KIT: variants seen among roughly 807,000 people sequenced by gnomAD.
KIT encodes KIT proto-oncogene, receptor tyrosine kinase, also known as mast/stem cell growth factor receptor Kit.
In KIT, 16 loss-of-function variants were observed where a neutral mutation model predicts 105.7. That is an observed-to-expected ratio of 0.15 (90% CI 0.10 to 0.23). KIT has a LOEUF of 0.23. Among genes scored for constraint, KIT ranks in the 10% least tolerant of loss-of-function variants. The pLI is 1.00. For missense variants in KIT, 858 were observed against 1,213.8 expected, an observed-to-expected ratio of 0.71 and a Z score of 4.36; for synonymous variants, 438 against 441.1, an observed-to-expected ratio of 0.99 and a Z score of 0.09.
intron 1 of KIT, among the ~76,000 whole-genome samples, chr4:54,661,268 C>A (rs1717249374): frequency 6.6e-6 from 1 of 152,188 alleles, no homozygotes; most frequent in Non-Finnish European, 1.5e-5. Context: ...CATCCAAAGC[C>A]ATTTTTTCTC....
chr4:54,697,958 T>C (rs1485023898), intron 2 of KIT, among the ~76,000 whole-genome samples: 1 of 152,184 alleles, frequency 6.6e-6, no homozygotes, highest in Non-Finnish European at 1.5e-5. Context: ...TTCCAGGTCA[T>C]GTCACTTTAG....
At chr4:54,697,053 A>T (rs1481536397) in intron 2 of KIT, among the ~76,000 whole-genome samples, 1 of 152,224 alleles carries the variant, frequency 6.6e-6, no homozygotes, top group Non-Finnish European at 1.5e-5. Context: ...ATCCTTAATT[A>T]TAACAAATGT....
intron 1 of KIT, among the ~76,000 whole-genome samples, chr4:54,678,346 TTCCTTCCC>T (rs370740484): frequency 0.068 from 5,340 of 78,808 alleles, 283 homozygotes; most frequent in African/African-American, 0.093. Flanking sequence ...CCTTCCTTCC[TTCCTTCCC>T]TCCCTCCCTC....
At chr4:54,711,854 G>T (rs1354668415) in intron 7 of KIT, among the ~76,000 whole-genome samples, 1 of 151,552 alleles carries the variant, frequency 6.6e-6, no homozygotes, top group East Asian at 1.9e-4. Flanking sequence ...ACCTCAACCT[G>T]GGAGACAGAG....
intron 6 of KIT, 26 bp downstream of exon 6, chr4:54,707,313 G>T: frequency 1.3e-6 from 2 of 1,488,658 alleles, no homozygotes; most frequent in Non-Finnish European, 1.9e-6. Flanking sequence ...TGCCCTGGGG[G>T]ATTACACATT....
chr4:54,739,225 G>C lies in KIT; in HGVS notation c.*668G>C, dbSNP rs1723110183. The C allele has an allele frequency of 3.7e-6, 1 of 267,064 alleles. No homozygotes were observed. The highest frequency in any genetic ancestry group is 5.1e-5 in the Admixed American group (1 of 19,526). The allele number at this position is 267,064 out of a possible 1,614,324, so 16.5% of individuals were successfully genotyped here. Reference sequence around the variant, plus strand: ...GAGAAGGCCTCCCTAGCCAGCACTTGTATATACGCATCTATAAATTGTCCG... The same window carrying C: ...GAGAAGGCCTCCCTAGCCAGCACTTCTATATACGCATCTATAAATTGTCCG... On this transcript the variant is annotated 3_prime_UTR_variant, in exon 21 of 21. Coordinates refer to ENST00000288135, the MANE Select transcript of KIT (RefSeq NM_000222.3).
At chr4:54,686,165 G>A (rs985665109) in intron 1 of KIT, among the ~76,000 whole-genome samples, 1 of 151,754 alleles carries the variant, frequency 6.6e-6, no homozygotes, top group Non-Finnish European at 1.5e-5. Flanking sequence ...ATTCCCCTGT[G>A]TCAATTAGTT....
chr4:54,671,193 T>G (rs1718084839), intron 1 of KIT, among the ~76,000 whole-genome samples: 1 of 152,172 alleles, frequency 6.6e-6, no homozygotes, highest in South Asian at 2.1e-4. Context: ...CAGTTTCAAA[T>G]GAAGGACGCC....
intron 17 of KIT, among the ~76,000 whole-genome samples, chr4:54,735,116 C>CAA (rs1722847733): frequency 6.6e-6 from 1 of 152,038 alleles, no homozygotes. Flanking sequence ...GACAAAGTCA[C>CAA]AGGTACAGCT....
Position 54,732,143 on chromosome 4 carries a change from G to A in KIT, c.2361+145G>A. ...TGAAGTGTGGTAACCAAAAGCAGAGGAAATTTAGTTTCTTCATGTTCCAAC... is the reference window on the plus strand; with the variant it reads ...TGAAGTGTGGTAACCAAAAGCAGAGAAAATTTAGTTTCTTCATGTTCCAAC... On this transcript the variant is annotated intron_variant, in intron 16 of 20. Transcript: ENST00000288135. 3.2e-6 allele frequency: 3 copies of A among 936,922 alleles called. 1 individual carries two copies. In the South Asian group the frequency reaches 5.0e-5, roughly 16 times the overall value. The allele number at this position is 936,922 out of a possible 1,614,324, so 58.0% of individuals were successfully genotyped here. A position where few individuals can be genotyped will look rare whatever the true frequency, so the allele number is the denominator to read the frequency against.
chr4:54,671,698 A>G (rs1182325892), intron 1 of KIT, among the ~76,000 whole-genome samples: 3 of 152,214 alleles, frequency 2.0e-5, no homozygotes, highest in Non-Finnish European at 4.4e-5. Flanking sequence ...TATGCCTTCT[A>G]GAGTATTCCC....
intron 1 of KIT, among the ~76,000 whole-genome samples, chr4:54,688,641 C>T (rs1212417846): frequency 6.6e-6 from 1 of 152,236 alleles, no homozygotes; most frequent in African/African-American, 2.4e-5. Context: ...GGGAGAACCC[C>T]TGAGCTCCAT....
chr4:54,717,023 G>T (rs1431520206), intron 7 of KIT, among the ~76,000 whole-genome samples: 2 of 152,152 alleles, frequency 1.3e-5, no homozygotes, highest in African/African-American at 4.8e-5. Context: ...ATCTGACAGT[G>T]TTTGAACTCT....
At chr4:54,703,460 G>A (rs146874814) in intron 4 of KIT, among the ~76,000 whole-genome samples, 137 of 152,160 alleles carry the variant, frequency 9.0e-4, no homozygotes, top group African/African-American at 3.1e-3. Flanking sequence ...ATAGAATTTG[G>A]AATTATACAT....
At position 54,657,990 on chromosome 4, in the gene KIT, C is replaced by T. The variant is rs760882355; in HGVS notation, c.-25C>T. 1.8e-5 allele frequency: 29 copies of T among 1,611,472 alleles called. No homozygotes were observed. In the Admixed American group the frequency reaches 4.8e-4, roughly 27 times the overall value. On this transcript the variant is annotated 5_prime_UTR_variant, in exon 1 of 21. Transcript: ENST00000288135. ...GCGAGAGCTGGAACGTGGACCAGAG[C>T]TCGGATCCCATCGCAGCTACCGCGA...
chr4:54,697,752 A>G (rs1720169018), intron 2 of KIT, among the ~76,000 whole-genome samples: 1 of 152,206 alleles, frequency 6.6e-6, no homozygotes, highest in African/African-American at 2.4e-5. Flanking sequence ...TCTCTTTAGA[A>G]GCCGAAAGAC....
Position 54,698,389 on chromosome 4 carries a change from T to C in KIT, c.443T>C (p.Leu148Pro), listed in dbSNP as rs1720225274. The change falls in exon 3 of 21, where the codon CTC (leucine) becomes CCC (proline). Residue 148 changes from leucine to proline, a missense_variant. Leu to Pro is a moderately conservative substitution (Grantham distance 98, BLOSUM62 -3). Around this residue, in one of 7 missense-constraint regions of KIT, gnomAD observed 401 missense variants for 601.0 expected, o/e 0.67. Transcript: ENST00000288135. ...LTDPEVTNYS[L>P]KGCQGKPLPK... ...GACCCAGAAGTGACCAATTATTCCC[T>C]CAAGGGGTGCCAGGGGAAGCCTCTT... The C allele has an allele frequency of 1.2e-6, 2 of 1,614,166 alleles. No individual in the cohort carries two copies. The highest frequency in any genetic ancestry group is 1.7e-6 in the Non-Finnish European group (2 of 1,180,020).
At chr4:54,679,108 G>T (rs1045635134) in intron 1 of KIT, among the ~76,000 whole-genome samples, 4 of 152,174 alleles carry the variant, frequency 2.6e-5, no homozygotes, top group African/African-American at 9.7e-5. Context: ...GAGTGACACT[G>T]TGAGCTGCTC....
intron 7 of KIT, among the ~76,000 whole-genome samples, chr4:54,710,734 G>A (rs1696066927): frequency 6.6e-6 from 1 of 152,090 alleles, no homozygotes; most frequent in African/African-American, 2.4e-5. Context: ...TAGAGATGGG[G>A]TTTCACCATG....
Sources: allele counts gnomAD v4.1 joint callset (sites outside exome capture counted in the v4.1 genomes callset), GRCh38; gene constraint gnomAD v4.1.1; regional missense constraint gnomAD v4.1.1; transcripts MANE v1.5; gene names NCBI Gene and HGNC (gene_info 2026-07-23, HGNC 2026-07-21).